The following WRN variants were observed in gnomAD, a reference collection of about 807,000 sequenced individuals.
WRN encodes the protein WRN RecQ like helicase.
A neutral mutation model predicts 180.7 loss-of-function variants in WRN; 149 were observed. That is an observed-to-expected ratio of 0.82 (90% CI 0.72 to 0.94). WRN has a LOEUF of 0.94. WRN is among the 40% of genes least tolerant of loss of function. WRN has a pLI of 0.00. For missense variants in WRN, 1,661 were observed against 1,700.1 expected, an observed-to-expected ratio of 0.98 and a Z score of 0.40; for synonymous variants, 548 against 568.9, an observed-to-expected ratio of 0.96 and a Z score of 0.52.
At chr8:31,136,861 G>GAATGAATT (rs1246688729) in intron 24 of WRN, among the ~76,000 whole-genome samples, 7 of 152,002 alleles carry the variant, frequency 4.6e-5, no homozygotes, top group Non-Finnish European at 8.8e-5. Context: ...ATGAATGAAT[G>GAATGAATT]AATGAATGAA....
In WRN at chr8:31,076,154, T is replaced by C; in HGVS notation, c.725-19T>C. ...TGCTTTGTGGTTTGAAAATTAATATTGATTTTTTTTCCCCCTAGAGGAAGA... is the reference window on the plus strand; with the variant it reads ...TGCTTTGTGGTTTGAAAATTAATATCGATTTTTTTTCCCCCTAGAGGAAGA... On this transcript the variant is annotated intron_variant, in intron 7 of 34. Transcript: ENST00000298139. The C allele has an allele frequency of 1.3e-6, 2 of 1,578,164 alleles. No homozygotes were observed. Among genetic ancestry groups the C allele is most frequent in the South Asian group, 2.2e-5 (2 of 90,378 alleles).
At chr8:31,052,079 C>CA (rs1812095901) in intron 1 of WRN, among the ~76,000 whole-genome samples, 1 of 152,208 alleles carries the variant, frequency 6.6e-6, no homozygotes, top group Non-Finnish European at 1.5e-5. Context: ...CAAAGATCAT[C>CA]TGGCCTGTAA....
chr8:31,148,625 A>ATCTCGCTTTATTACTATT (rs1418004601), intron 30 of WRN, among the ~76,000 whole-genome samples: 2 of 152,078 alleles, frequency 1.3e-5, no homozygotes, highest in African/African-American at 4.8e-5. Flanking sequence ...ATTCTTGAAG[A>ATCTCGCTTTATTACTATT]TCTCGCTTTA....
chr8:31,143,691 A>G, intron 28 of WRN, 68 bp downstream of exon 28: 1 of 1,154,642 alleles, frequency 8.7e-7, no homozygotes. Flanking sequence ...AAGAGAAAGA[A>G]CTGTCAGATG....
intron 1 of WRN, among the ~76,000 whole-genome samples, chr8:31,042,617 C>A (rs553288238): frequency 2.0e-5 from 3 of 152,296 alleles, no homozygotes; most frequent in African/African-American, 7.2e-5. Flanking sequence ...TAGGTTAACC[C>A]TGTTACTGTG....
chr8:31,168,945 G>A (rs1214852898), intron 34 of WRN, among the ~76,000 whole-genome samples: 1 of 152,108 alleles, frequency 6.6e-6, no homozygotes, highest in African/African-American at 2.4e-5. Flanking sequence ...TGATAATTCT[G>A]ATTCAATATC....
intron 18 of WRN, among the ~76,000 whole-genome samples, chr8:31,103,736 T>A (rs753674913): frequency 3.3e-5 from 5 of 151,154 alleles, no homozygotes; most frequent in East Asian, 1.9e-4. Flanking sequence ...TATTTTTTTT[T>A]ATTTATTTTT....
At position 31,164,743 on chromosome 8, in the gene WRN, A is replaced by C. The variant is rs183218692; in HGVS notation, c.3983-2279A>C. Among the ~76,000 whole-genome samples, 234 of 152,308 alleles carry C rather than the reference A, an allele frequency of 1.5e-3. 1 individual carries two copies. The highest frequency in any genetic ancestry group is 5.3e-3 in the African/African-American group (220 of 41,570). ...TAATGTGCATGTAACTGGAAAATTA[A>C]GAGTGGCTTCCAAGGGATCTACTAC... On this transcript the variant is annotated intron_variant, in intron 33 of 34. Transcript: ENST00000298139.
At chr8:31,142,058 T>C (rs1802661002) in intron 26 of WRN, among the ~76,000 whole-genome samples, 1 of 152,104 alleles carries the variant, frequency 6.6e-6, no homozygotes, top group South Asian at 2.1e-4. Flanking sequence ...CAAGTAATCC[T>C]CAGCCACCTG....
intron 1 of WRN, among the ~76,000 whole-genome samples, chr8:31,055,245 A>G (rs1329733691): frequency 1.3e-5 from 2 of 152,148 alleles, no homozygotes; most frequent in Admixed American, 1.3e-4. Flanking sequence ...ATACCCAGTA[A>G]TATAATTGTA....
chr8:31,047,043 T>C (rs1238347734), intron 1 of WRN, among the ~76,000 whole-genome samples: 1 of 152,192 alleles, frequency 6.6e-6, no homozygotes, highest in Non-Finnish European at 1.5e-5. Flanking sequence ...GTTTCTTTTT[T>C]ACCAGTCTCC....
intron 16 of WRN, among the ~76,000 whole-genome samples, chr8:31,093,480 A>G (rs1813839891): frequency 6.6e-6 from 1 of 152,024 alleles, no homozygotes. Flanking sequence ...GTTTGTTTTT[A>G]CATTTTCTTA....
chr8:31,043,391 C>T (rs922720063), intron 1 of WRN, among the ~76,000 whole-genome samples: 13 of 152,126 alleles, frequency 8.5e-5, no homozygotes, highest in Non-Finnish European at 1.8e-4. Context: ...TTGGATTTTC[C>T]TTAAGACAGT....
intron 7 of WRN, among the ~76,000 whole-genome samples, chr8:31,073,057 C>T (rs1057496529): frequency 6.6e-6 from 1 of 152,130 alleles, no homozygotes; most frequent in African/African-American, 2.4e-5. Flanking sequence ...GACTTCATTT[C>T]TTATTAATGA....
chr8:31,125,976 ATATAT>A (rs1801916753), intron 23 of WRN, among the ~76,000 whole-genome samples: 1 of 7,006 alleles, frequency 1.4e-4, no homozygotes, highest in Non-Finnish European at 3.4e-4. Flanking sequence ...TCCTAAATAT[ATATAT>A]ATATATATAT....
intron 18 of WRN, among the ~76,000 whole-genome samples, chr8:31,105,096 T>TGGGTGG (rs1435367947): frequency 2.2e-4 from 1 of 4,504 alleles, no homozygotes; most frequent in East Asian, 0.5. Context: ...TTGGAGCAGA[T>TGGGTGG]ATTAAAACAA....
At chr8:31,085,299 A>T in intron 11 of WRN, 53 bp downstream of exon 11, 2 of 1,590,480 alleles carry the variant, frequency 1.3e-6, no homozygotes, top group Non-Finnish European at 1.7e-6. Context: ...AAGGACATTT[A>T]ATTAAGTAAA....
At chr8:31,147,951 G>A (rs1585523648) in intron 30 of WRN, among the ~76,000 whole-genome samples, 1 of 146,472 alleles carries the variant, frequency 6.8e-6, no homozygotes, top group Non-Finnish European at 1.5e-5. Context: ...GTAGTGGTGC[G>A]ATCACTGCTC....
rs138789885 is a variant in WRN at position 31,176,033 on chromosome 8, T to C, written c.*2931T>C. Among the ~76,000 whole-genome samples, 10 of 152,290 alleles carry C rather than the reference T, an allele frequency of 6.6e-5. No individual in the cohort carries two copies. The highest frequency in any genetic ancestry group is 2.4e-4 in the African/African-American group (10 of 41,548). ...TGGAAGGGTTCTCAGACCTAAGAGA[T>C]TGAGAAATGCTGATGTAATGTTTTA... On this transcript the variant is annotated 3_prime_UTR_variant, in exon 35 of 35. Coordinates refer to ENST00000298139, the MANE Select transcript of WRN (RefSeq NM_000553.6).
Sources: gnomAD v4.1 joint callset for allele counts (sites outside exome capture counted in the v4.1 genomes callset) on GRCh38, gnomAD v4.1.1 for gene constraint, MANE v1.5 for transcripts, NCBI Gene and HGNC (gene_info 2026-07-23, HGNC 2026-07-21) for gene names.